UBE2E2: variants seen among roughly 807,000 people sequenced by gnomAD.
The protein encoded by UBE2E2 is ubiquitin conjugating enzyme E2 E2, also known as ubiquitin-conjugating enzyme E2 E2.
UBE2E2 carries 6 observed loss-of-function variants against 24.7 expected under a neutral mutation model. The observed-to-expected ratio is 0.24, with a 90% CI of 0.13 to 0.48. The LOEUF (loss-of-function observed/expected upper bound fraction) is 0.48, where lower values mean the gene tolerates loss of function less well. Among genes scored for constraint, UBE2E2 ranks in the 20% least tolerant of loss-of-function variants. The pLI, the probability that UBE2E2 is intolerant of heterozygous loss-of-function variation, is 0.99. For synonymous variants in UBE2E2, 104 were observed against 83.6 expected (o/e 1.24, Z -1.33); for missense variants, 169 against 245.0 (o/e 0.69, Z 2.07).
intron 3 of UBE2E2, among the ~76,000 whole-genome samples, chr3:23,251,069 C>T (rs554497742): frequency 6.6e-5 from 10 of 152,240 alleles, no homozygotes; most frequent in Non-Finnish European, 1.2e-4. Flanking sequence ...ATGTTGCCCA[C>T]GCTGGTCTCA....
chr3:23,443,432 G>A (rs932551365), intron 3 of UBE2E2, among the ~76,000 whole-genome samples: 44 of 152,164 alleles, frequency 2.9e-4, no homozygotes, highest in Non-Finnish European at 5.7e-4. Context: ...ACTCAGTCCT[G>A]TAGGTTCGTT....
intron 3 of UBE2E2, among the ~76,000 whole-genome samples, chr3:23,353,694 G>T (rs7614862): frequency 0.54 from 82,431 of 151,336 alleles, 22,690 homozygotes; most frequent in Admixed American, 0.65. Flanking sequence ...GTGAAGGACC[G>T]CTTCAAGGAG....
chr3:23,283,936 T>C (rs913407028), intron 3 of UBE2E2, among the ~76,000 whole-genome samples: 1 of 152,180 alleles, frequency 6.6e-6, no homozygotes, highest in African/African-American at 2.4e-5. Flanking sequence ...TGAGAACCAC[T>C]GCTTTAGATA....
intron 4 of UBE2E2, among the ~76,000 whole-genome samples, chr3:23,503,177 G>GGTTTTT (rs149646508): frequency 0.22 from 33,250 of 149,524 alleles, 3,854 homozygotes; most frequent in African/African-American, 0.28. Flanking sequence ...TTGGTTGGTT[G>GGTTTTT]GTTTTTGTTT....
At chr3:23,524,865 G>GACAGACACAC (rs1553618102) in intron 4 of UBE2E2, among the ~76,000 whole-genome samples, 2 of 147,426 alleles carry the variant, frequency 1.4e-5, no homozygotes, top group East Asian at 3.9e-4. Flanking sequence ...CAGACACACA[G>GACAGACACAC]ACACACACAC....
intron 3 of UBE2E2, among the ~76,000 whole-genome samples, chr3:23,400,678 A>G (rs1036669224): frequency 1.3e-5 from 2 of 150,070 alleles, no homozygotes; most frequent in African/African-American, 4.9e-5. Context: ...AAGTACAGGA[A>G]TTCATTTATT....
At chr3:23,203,689 TC>T (rs1315199666) in intron 1 of UBE2E2, among the ~76,000 whole-genome samples, 2 of 87,934 alleles carry the variant, frequency 2.3e-5, no homozygotes, top group East Asian at 4.1e-4. Context: ...CTTCTTCCCA[TC>T]CCCCCCTTCT....
intron 3 of UBE2E2, among the ~76,000 whole-genome samples, chr3:23,469,803 A>G (rs1042627579): frequency 1.3e-4 from 20 of 152,300 alleles, no homozygotes; most frequent in Admixed American, 2.6e-4. Flanking sequence ...TCTATTGCCA[A>G]TTGGGGTTTT....
intron 3 of UBE2E2, among the ~76,000 whole-genome samples, chr3:23,233,539 C>A (rs1697024680): frequency 6.6e-6 from 1 of 152,034 alleles, no homozygotes. Flanking sequence ...TGGATGATAT[C>A]CTAAACATTG....
rs568677366 is a variant in UBE2E2, at chr3:23,420,353, A to C, written c.228-79255A>C. ...TTCTTTAATAAAATGAGGGAACTGG[A>C]TCAGAAAGTCTAAAAGAAGTTCCCT... On this transcript the variant is annotated intron_variant, in intron 3 of 5. Coordinates refer to ENST00000396703, the MANE Select transcript of UBE2E2 (RefSeq NM_152653.4). Among the ~76,000 whole-genome samples the C allele has an allele frequency of 1.7e-3, 256 of 152,346 alleles. 1 individual carries two copies. Among genetic ancestry groups the C allele is most frequent in the Middle Eastern group, 0.014 (4 of 294 alleles).
intron 5 of UBE2E2, among the ~76,000 whole-genome samples, chr3:23,586,563 G>C (rs958099532): frequency 6.6e-6 from 1 of 152,066 alleles, no homozygotes. Flanking sequence ...CTCCCAAAGT[G>C]CTGGGATTAC....
intron 3 of UBE2E2, among the ~76,000 whole-genome samples, chr3:23,305,476 A>G (rs1699216603): frequency 6.6e-6 from 1 of 152,212 alleles, no homozygotes; most frequent in Non-Finnish European, 1.5e-5. Context: ...GTGATTTGAA[A>G]TAAGGCACCA....
intron 3 of UBE2E2, among the ~76,000 whole-genome samples, chr3:23,252,005 T>C (rs1453017059): frequency 1.3e-5 from 2 of 152,236 alleles, no homozygotes; most frequent in Admixed American, 6.5e-5. Flanking sequence ...TCCACATAAA[T>C]GTGCTGTAAT....
chr3:23,516,232 G>A (rs1252415376), intron 4 of UBE2E2, among the ~76,000 whole-genome samples: 1 of 151,998 alleles, frequency 6.6e-6, no homozygotes. Flanking sequence ...AAATATTAGG[G>A]GGAGAAAGAA....
chr3:23,505,361 A>G (rs1694422909), intron 4 of UBE2E2, among the ~76,000 whole-genome samples: 1 of 152,146 alleles, frequency 6.6e-6, no homozygotes, highest in Non-Finnish European at 1.5e-5. Flanking sequence ...GAATCTGTAC[A>G]TGACATAAAA....
At chr3:23,352,332 A>G (rs1393494795) in intron 3 of UBE2E2, among the ~76,000 whole-genome samples, 33 of 152,164 alleles carry the variant, frequency 2.2e-4, no homozygotes, top group Non-Finnish European at 4.3e-4. Flanking sequence ...AGCTAGAAAA[A>G]CAAGAGCAAA....
At position 23,328,250 on chromosome 3, in the gene UBE2E2, C is replaced by T. The variant is rs187764882; in HGVS notation, c.227+110938C>T. On this transcript the variant is annotated intron_variant, in intron 3 of 5. Transcript: ENST00000396703. ...ACATTAGATAATCTCTAAAAAGAAC[C>T]TTCTATCTCTGTGTCATCTTTGAAT... Among the ~76,000 whole-genome samples the T allele has an allele frequency of 3.4e-3, 515 of 152,220 alleles. 1 individual carries two copies. Among genetic ancestry groups the T allele is most frequent in the Middle Eastern group, 0.01 (3 of 294 alleles).
intron 3 of UBE2E2, among the ~76,000 whole-genome samples, chr3:23,350,228 C>A (rs1411904272): frequency 5.9e-5 from 9 of 152,160 alleles, no homozygotes. Flanking sequence ...CACCAAAAAC[C>A]CATCTGTACA....
chr3:23,249,271 C>CA (rs58820253), intron 3 of UBE2E2, among the ~76,000 whole-genome samples: 77,910 of 137,474 alleles, frequency 0.57, 21,147 homozygotes, highest in South Asian at 0.64. Flanking sequence ...GACCCTGTCT[C>CA]AAAAAAAAAA....
Sources: gnomAD v4.1 joint callset for allele counts (sites outside exome capture counted in the v4.1 genomes callset) on GRCh38, gnomAD v4.1.1 for gene constraint, MANE v1.5 for transcripts, NCBI Gene and HGNC (gene_info 2026-07-23, HGNC 2026-07-21) for gene names.